DTNB: variants seen among roughly 807,000 people sequenced by gnomAD.
DTNB encodes the protein DTN-B.
Under a neutral mutation model 90.7 loss-of-function variants are expected in DTNB, and 63 were observed. The observed-to-expected ratio is 0.69, with a 90% CI of 0.57 to 0.86. DTNB has a LOEUF of 0.86. DTNB is among the 40% of genes least tolerant of loss of function. The probability of loss-of-function intolerance (pLI) is 0.00; values close to 1 mark genes in which losing one functional copy is unlikely to be tolerated. For synonymous variants in DTNB, 277 were observed against 286.7 expected, an observed-to-expected ratio of 0.97 and a Z score of 0.34; for missense variants, 744 against 807.1, an observed-to-expected ratio of 0.92 and a Z score of 0.95.
Position 25,652,608 on chromosome 2 carries a change from A to G in DTNB, c.53T>C (p.Leu18Pro). 3.1e-6 allele frequency: 5 copies of G among 1,612,840 alleles called. No individual in the cohort carries two copies. Among genetic ancestry groups the G allele is most frequent in the Non-Finnish European group, 4.2e-6 (5 of 1,179,722 alleles). Residue 18 changes from leucine to proline, a missense_variant, in exon 2 of 21, where the codon CTG becomes CCG. Physicochemically the swap from Leu to Pro is moderately conservative, Grantham distance 98. Transcript: ENST00000406818. ...TCAAGACTCACGCATTTCTATGAACAGCTGCCTCTTCTCTGCCATGGTCTT... is the reference window on the plus strand; with the variant it reads ...TCAAGACTCACGCATTTCTATGAACGGCTGCCTCTTCTCTGCCATGGTCTT... Reference protein sequence around the residue: ...KRKTMAEKRQLFIEMRAQNFD... With the variant: ...KRKTMAEKRQPFIEMRAQNFD...
chr2:25,491,143 A>ACG (rs1157757194), intron 9 of DTNB, among the ~76,000 whole-genome samples: 1 of 65,268 alleles, frequency 1.5e-5, no homozygotes, highest in Non-Finnish European at 2.8e-5. Flanking sequence ...ATGAGCACAC[A>ACG]CACACACACA....
At chr2:25,379,417 C>A in intron 19 of DTNB, 94 bp from the exon 20 acceptor site, 2 of 1,261,560 alleles carry the variant, frequency 1.6e-6, no homozygotes, top group Non-Finnish European at 2.0e-6. Flanking sequence ...GACCAACCCA[C>A]CCCAGGGGCT....
chr2:25,672,436 G>A (rs1275106784), intron 1 of DTNB, among the ~76,000 whole-genome samples: 1 of 152,040 alleles, frequency 6.6e-6, no homozygotes, highest in African/African-American at 2.4e-5. Context: ...CTTATTTCTA[G>A]ATGGGAAGGA....
intron 9 of DTNB, among the ~76,000 whole-genome samples, chr2:25,505,846 C>T (rs577763839): frequency 7.4e-4 from 113 of 152,290 alleles, no homozygotes; most frequent in Non-Finnish European, 1.4e-3. Context: ...GTCAAAGGTT[C>T]TGAGTCAGCA....
intron 12 of DTNB, among the ~76,000 whole-genome samples, chr2:25,438,443 T>C (rs999948994): frequency 1.3e-5 from 2 of 152,238 alleles, no homozygotes; most frequent in Non-Finnish European, 2.9e-5. Flanking sequence ...GTCTAGACCA[T>C]ACAGGGCCTC....
At chr2:25,408,716 C>T (rs924108938) in intron 16 of DTNB, among the ~76,000 whole-genome samples, 2 of 151,992 alleles carry the variant, frequency 1.3e-5, no homozygotes, top group African/African-American at 4.8e-5. Flanking sequence ...GTGTAAGAGT[C>T]TATGGAACTT....
chr2:25,645,930 G>T (rs1193077966), intron 2 of DTNB, among the ~76,000 whole-genome samples: 2 of 152,154 alleles, frequency 1.3e-5, no homozygotes, highest in Non-Finnish European at 2.9e-5. Context: ...CAATGGGATG[G>T]AAGGAAGAAA....
At chr2:25,628,825 A>T (rs13014370) in intron 3 of DTNB, among the ~76,000 whole-genome samples, 9,904 of 152,318 alleles carry the variant, frequency 0.065, 454 homozygotes, top group Non-Finnish European at 0.089. Context: ...AGAGAGAGAC[A>T]AATACAACTG....
rs1378106463 is a variant in DTNB, at chr2:25,531,606, A to G, written c.877-9T>C. ...TTCTTTGCAGGAGATTTCTGTGTCAAAGCAGAAAATAGTAAGGAATTAACC... is the reference window on the plus strand; with the variant it reads ...TTCTTTGCAGGAGATTTCTGTGTCAGAGCAGAAAATAGTAAGGAATTAACC... On this transcript the variant is annotated splice_polypyrimidine_tract_variant and intron_variant, in intron 8 of 20. Coordinates refer to ENST00000406818, the MANE Select transcript of DTNB (RefSeq NM_021907.5). 6.2e-7 allele frequency: 1 copy of G among 1,613,036 alleles called. No individual in the cohort carries two copies. Among genetic ancestry groups the G allele is most frequent in the South Asian group, 1.1e-5 (1 of 90,830 alleles).
chr2:25,402,306 A>G (rs1340565367), intron 16 of DTNB, among the ~76,000 whole-genome samples: 1 of 152,186 alleles, frequency 6.6e-6, no homozygotes, highest in Non-Finnish European at 1.5e-5. Flanking sequence ...GTGCTCAGAG[A>G]ATGGAGAATG....
At chr2:25,561,120 A>G (rs1198066609) in intron 8 of DTNB, among the ~76,000 whole-genome samples, 1 of 152,044 alleles carries the variant, frequency 6.6e-6, no homozygotes, top group East Asian at 1.9e-4. Context: ...AAATACTTCA[A>G]CCCACTGAAC....
rs144490282 is a variant in DTNB, at chr2:25,508,909, C to A, written c.1001+22564G>T. On this transcript the variant is annotated intron_variant, in intron 9 of 20. Transcript: ENST00000406818. ...ACATATTTCATTATATGTATTCCTA[C>A]GTTATGTTTCTCAATGCTATTATAA... 1.3e-4 allele frequency among the ~76,000 whole-genome samples: 20 copies of A among 152,268 alleles called. 1 individual carries two copies. Among genetic ancestry groups the A allele is most frequent in the Admixed American group, 9.8e-4 (15 of 15,284 alleles).
chr2:25,621,446 C>A, intron 4 of DTNB, among the ~76,000 whole-genome samples: 1 of 132,688 alleles, frequency 7.5e-6, no homozygotes. Context: ...GCTAAATCAA[C>A]TTTTTTTTTT....
rs1363775203 is a variant in DTNB, at chr2:25,595,994, A to G, written c.603+92T>C. On this transcript the variant is annotated intron_variant, in intron 6 of 20. Coordinates refer to ENST00000406818, the MANE Select transcript of DTNB (RefSeq NM_021907.5). ...TTTTTCCTCCCCTACTCAAGACCTT[A>G]CTAGACTGGAAGCAATCTGGCAAAA... 2.4e-5 allele frequency: 30 copies of G among 1,266,014 alleles called. No individual in the cohort carries two copies. The East Asian group carries it at 9.8e-4, about 41-fold the overall frequency. 78.4% of individuals were successfully genotyped at this position (1,266,014 alleles called of 1,614,324 possible).
rs150289933 is a variant in DTNB, at chr2:25,517,931, G to A, written c.1001+13542C>T. 6.4e-3 allele frequency among the ~76,000 whole-genome samples: 967 copies of A among 152,280 alleles called. 10 individuals are homozygous for A. Among genetic ancestry groups the A allele is most frequent in the Non-Finnish European group, 0.011 (740 of 68,016 alleles). On this transcript the variant is annotated intron_variant, in intron 9 of 20. Coordinates refer to ENST00000406818, the MANE Select transcript of DTNB (RefSeq NM_021907.5). ...CACAGATACTGCAACACAGAACCTT[G>A]AGGGCATTATACTAAGTGAAATAAG...
intron 4 of DTNB, among the ~76,000 whole-genome samples, chr2:25,619,693 T>A (rs1168316646): frequency 6.6e-6 from 1 of 152,128 alleles, no homozygotes; most frequent in Non-Finnish European, 1.5e-5. Context: ...CTGTAAGTCA[T>A]CAAAAGGATG....
chr2:25,485,942 T>G (rs1334567001), intron 9 of DTNB, among the ~76,000 whole-genome samples: 1 of 151,646 alleles, frequency 6.6e-6, no homozygotes, highest in African/African-American at 2.4e-5. Flanking sequence ...GCCAAGATGT[T>G]GAAACCCCAT....
At chr2:25,537,167 T>A (rs1354871586) in intron 8 of DTNB, among the ~76,000 whole-genome samples, 1 of 152,236 alleles carries the variant, frequency 6.6e-6, no homozygotes, top group Non-Finnish European at 1.5e-5. Flanking sequence ...TCCAGATTGC[T>A]TTTACCTACC....
intron 9 of DTNB, among the ~76,000 whole-genome samples, chr2:25,489,906 T>C (rs1392461103): frequency 6.6e-6 from 1 of 152,182 alleles, no homozygotes; most frequent in East Asian, 1.9e-4. Flanking sequence ...ACTATAGGGA[T>C]TCCAATTAGA....
Sources: allele counts gnomAD v4.1 joint callset (sites outside exome capture counted in the v4.1 genomes callset), GRCh38; gene constraint gnomAD v4.1.1; transcripts MANE v1.5; gene names NCBI Gene and HGNC (gene_info 2026-07-23, HGNC 2026-07-21).